KCNC2: variants seen among roughly 807,000 people sequenced by gnomAD.
KCNC2 encodes the protein voltage-gated potassium channel KCNC2.
A neutral mutation model predicts 44.5 loss-of-function variants in KCNC2; 21 were observed. That is an observed-to-expected ratio of 0.47 (90% CI 0.33 to 0.68). The LOEUF (loss-of-function observed/expected upper bound fraction) is 0.68. KCNC2 is among the 30% of genes least tolerant of loss of function. The pLI is 0.01. For synonymous variants in KCNC2, 391 were observed against 339.1 expected (o/e 1.15, Z -1.68); for missense variants, 589 against 826.2 (o/e 0.71, Z 3.52).
At chr12:75,118,254 A>G (rs1887815965) in intron 2 of KCNC2, among the ~76,000 whole-genome samples, 1 of 152,148 alleles carries the variant, frequency 6.6e-6, no homozygotes, top group Non-Finnish European at 1.5e-5. Flanking sequence ...ATAACCTACA[A>G]TGAGCCAGAC....
chr12:75,187,884 G>A (rs1386743881), intron 2 of KCNC2, among the ~76,000 whole-genome samples: 1 of 152,174 alleles, frequency 6.6e-6, no homozygotes, highest in Non-Finnish European at 1.5e-5. Flanking sequence ...TTTCCTCAGA[G>A]TATTGCCTTT....
intron 1 of KCNC2, 133 bp downstream of exon 1, chr12:75,209,074 C>T (rs1038005534): frequency 1.3e-5 from 2 of 152,454 alleles, no homozygotes; most frequent in Non-Finnish European, 2.9e-5. Context: ...GCCTCCCAGC[C>T]ACCTCTCCCC....
At chr12:75,070,831 A>G (rs892058771) in intron 2 of KCNC2, among the ~76,000 whole-genome samples, 3 of 152,052 alleles carry the variant, frequency 2.0e-5, no homozygotes, top group African/African-American at 7.2e-5. Flanking sequence ...TCGATAAACT[A>G]TTTTTTAGAA....
In KCNC2 at chr12:75,082,570, G is replaced by A. The variant is rs563921580; in HGVS notation, c.688-31253C>T. Among the ~76,000 whole-genome samples the A allele has an allele frequency of 4.8e-5, 7 of 144,758 alleles. No homozygotes were observed. The East Asian group carries it at 1.4e-3, about 29-fold the overall frequency. The allele number at this position is 144,758 out of a possible 152,430, so 95.0% of individuals were successfully genotyped here. On this transcript the variant is annotated intron_variant, in intron 2 of 4. Transcript: ENST00000549446. ...ACAACATTTAATCATGGATAATGTTGAAAAAGTTAGCTATAAAAATGTCCA... is the reference window on the plus strand; with the variant it reads ...ACAACATTTAATCATGGATAATGTTAAAAAAGTTAGCTATAAAAATGTCCA...
intron 2 of KCNC2, among the ~76,000 whole-genome samples, chr12:75,095,775 T>C (rs1175319120): frequency 6.6e-6 from 1 of 151,928 alleles, no homozygotes; most frequent in Non-Finnish European, 1.5e-5. Context: ...AATGAATAAA[T>C]TTTATTAATC....
intron 2 of KCNC2, among the ~76,000 whole-genome samples, chr12:75,170,344 T>C (rs1891731980): frequency 6.6e-6 from 1 of 151,696 alleles, no homozygotes; most frequent in African/African-American, 2.4e-5. Flanking sequence ...CAGATGCTTT[T>C]TCAAATGTAC....
rs576240759 is a variant in KCNC2 at position 75,100,665 on chromosome 12, T to C, written c.688-49348A>G. Among the ~76,000 whole-genome samples the C allele has an allele frequency of 2.8e-4, 43 of 152,082 alleles. 1 individual carries two copies. The highest frequency in any genetic ancestry group is 5.3e-4 in the Admixed American group (8 of 15,236). On this transcript the variant is annotated intron_variant, in intron 2 of 4. Transcript: ENST00000549446. The stretch of plus-strand genomic sequence containing the variant: ...TTTTTAACTTCATGTATTCATCTAT[T>C]CATCAATGTAACTTATTAGTGAGAA...
chr12:75,182,999 A>G (rs1356982214), intron 2 of KCNC2, among the ~76,000 whole-genome samples: 3 of 152,232 alleles, frequency 2.0e-5, no homozygotes, highest in African/African-American at 7.2e-5. Context: ...AGAAGAGGGA[A>G]GACAGATGAA....
intron 2 of KCNC2, among the ~76,000 whole-genome samples, chr12:75,074,907 T>G (rs1362792437): frequency 6.6e-6 from 1 of 152,142 alleles, no homozygotes; most frequent in Non-Finnish European, 1.5e-5. Context: ...CTTATCTAAC[T>G]AAACGGGAGG....
At position 75,206,840 on chromosome 12, in the gene KCNC2, A is replaced by G. The variant is rs536511962; in HGVS notation, c.687+457T>C. 6.6e-5 allele frequency among the ~76,000 whole-genome samples: 10 copies of G among 152,124 alleles called. No individual in the cohort carries two copies. The South Asian group carries it at 1.5e-3, about 22-fold the overall frequency. On this transcript the variant is annotated intron_variant, in intron 2 of 4. Coordinates refer to ENST00000549446, the MANE Select transcript of KCNC2 (RefSeq NM_139137.4). ...CCTCTGTCCTCAGATTCAACCCCCAATTGGAGCCACGGCTCTGGGTGAGTC... is the reference window on the plus strand; with the variant it reads ...CCTCTGTCCTCAGATTCAACCCCCAGTTGGAGCCACGGCTCTGGGTGAGTC...
intron 2 of KCNC2, among the ~76,000 whole-genome samples, chr12:75,088,823 T>A (rs539230460): frequency 3.6e-4 from 54 of 152,096 alleles, no homozygotes; most frequent in Admixed American, 3.5e-3. Flanking sequence ...TGGATTTATA[T>A]ATAATCTAAT....
At chr12:75,097,111 A>G (rs574229134) in intron 2 of KCNC2, among the ~76,000 whole-genome samples, 3 of 152,184 alleles carry the variant, frequency 2.0e-5, no homozygotes, top group African/African-American at 7.2e-5. Flanking sequence ...AAATTAAAGG[A>G]CCTTAAATGT....
intron 2 of KCNC2, among the ~76,000 whole-genome samples, chr12:75,192,843 A>G (rs1386613108): frequency 6.6e-6 from 1 of 152,210 alleles, no homozygotes; most frequent in Non-Finnish European, 1.5e-5. Flanking sequence ...AATCTATCGC[A>G]CAAAATGGTG....
intron 2 of KCNC2, among the ~76,000 whole-genome samples, chr12:75,108,307 A>G (rs1306658570): frequency 1.3e-5 from 2 of 152,164 alleles, no homozygotes; most frequent in African/African-American, 4.8e-5. Context: ...GTTTCTACAC[A>G]CAGAAAATAG....
At chr12:75,170,933 T>C (rs1891774008) in intron 2 of KCNC2, among the ~76,000 whole-genome samples, 1 of 151,798 alleles carries the variant, frequency 6.6e-6, no homozygotes, top group Non-Finnish European at 1.5e-5. Context: ...ATTCAGATTG[T>C]TGTCAGAATT....
intron 2 of KCNC2, among the ~76,000 whole-genome samples, chr12:75,161,829 T>A (rs1168877120): frequency 6.6e-6 from 1 of 151,732 alleles, no homozygotes; most frequent in Non-Finnish European, 1.5e-5. Context: ...AGAATTCCTA[T>A]GAGACATTAA....
At chr12:75,117,628 A>G (rs1887763659) in intron 2 of KCNC2, among the ~76,000 whole-genome samples, 1 of 152,184 alleles carries the variant, frequency 6.6e-6, no homozygotes, top group African/African-American at 2.4e-5. Flanking sequence ...CAAATATTAG[A>G]ACTCTTAGGT....
intron 2 of KCNC2, among the ~76,000 whole-genome samples, chr12:75,137,432 T>A (rs538498429): frequency 1.3e-5 from 2 of 152,310 alleles, no homozygotes; most frequent in East Asian, 1.9e-4. Context: ...TGTATACATA[T>A]TTGTGTTTTC....
chr12:75,104,858 C>A (rs1027963778), intron 2 of KCNC2, among the ~76,000 whole-genome samples: 5 of 152,134 alleles, frequency 3.3e-5, no homozygotes, highest in African/African-American at 9.7e-5. Context: ...GGAATATTAC[C>A]ACTGGGGCAG....
Sources: allele counts gnomAD v4.1 joint callset (sites outside exome capture counted in the v4.1 genomes callset), GRCh38; gene constraint gnomAD v4.1.1; transcripts MANE v1.5; gene names NCBI Gene and HGNC (gene_info 2026-07-23, HGNC 2026-07-21).